WWOX: variants seen among roughly 807,000 people sequenced by gnomAD.
WWOX encodes the protein WW domain containing oxidoreductase, also known as WW domain-containing oxidoreductase.
WWOX carries 69 observed loss-of-function variants against 46.2 expected under a neutral mutation model. That is an observed-to-expected ratio of 1.49 (90% confidence interval 1.23 to 1.82). The LOEUF (loss-of-function observed/expected upper bound fraction) is 1.82, where lower values mean the gene tolerates loss of function less well. WWOX is among the 40% of genes most tolerant of loss of function. The pLI is 0.00. For missense variants in WWOX, 919 were observed against 542.6 expected, an observed-to-expected ratio of 1.69 and a Z score of -6.89; for synonymous variants, 359 against 202.6, an observed-to-expected ratio of 1.77 and a Z score of -6.56.
intron 8 of WWOX, among the ~76,000 whole-genome samples, chr16:78,828,661 C>G (rs548761679): frequency 1.1e-4 from 16 of 152,342 alleles, no homozygotes; most frequent in Non-Finnish European, 2.2e-4. Context: ...ACTTCACACT[C>G]TGACCTTTAT....
Position 78,753,294 on chromosome 16 carries a change from G to A in WWOX, c.1056+320542G>A, listed in dbSNP as rs2049533632. Among the ~76,000 whole-genome samples the A allele has an allele frequency of 1.3e-5, 2 of 151,762 alleles. 1 individual carries two copies. The highest frequency in any genetic ancestry group is 1.3e-4 in the Admixed American group (2 of 15,246). The stretch of plus-strand genomic sequence containing the variant: ...CAGCCTGGGCGACAGACTCCAGCCT[G>A]AGCGACAGAGTGAGACTCCGTCTCA... On this transcript the variant is annotated intron_variant, in intron 8 of 8. Transcript: ENST00000566780.
chr16:78,660,536 C>A (rs1305599162), intron 8 of WWOX, among the ~76,000 whole-genome samples: 1 of 152,224 alleles, frequency 6.6e-6, no homozygotes, highest in East Asian at 1.9e-4. Context: ...CAAAACAACT[C>A]AGGGCCTCCT....
intron 8 of WWOX, among the ~76,000 whole-genome samples, chr16:78,617,281 G>C (rs2046049150): frequency 1.3e-5 from 2 of 151,864 alleles, no homozygotes; most frequent in South Asian, 4.2e-4. Context: ...GTGCACCTGT[G>C]GCCTCAGCTA....
chr16:79,203,105 C>T (rs1022573712), intron 8 of WWOX: 5 of 152,216 alleles, frequency 3.3e-5, no homozygotes, highest in African/African-American at 1.2e-4. Context: ...TTCCTACTAA[C>T]TAGCAACACG....
intron 8 of WWOX, among the ~76,000 whole-genome samples, chr16:78,631,444 A>G (rs759788976): frequency 2.0e-5 from 3 of 152,156 alleles, no homozygotes; most frequent in Admixed American, 1.3e-4. Context: ...GGACAGATGT[A>G]TGACTTATTT....
intron 8 of WWOX, among the ~76,000 whole-genome samples, chr16:78,884,154 C>T (rs1483483972): frequency 2.6e-5 from 4 of 151,530 alleles, no homozygotes; most frequent in Admixed American, 2.6e-4. Flanking sequence ...TGCCTGTAGT[C>T]CTAGTTACTC....
intron 8 of WWOX, among the ~76,000 whole-genome samples, chr16:78,761,036 C>G (rs1424324380): frequency 2.6e-5 from 4 of 152,158 alleles, no homozygotes; most frequent in African/African-American, 9.7e-5. Context: ...ATTCAGTTAT[C>G]TCCTACCAGG....
At chr16:78,497,163 G>A (rs1339543123) in intron 8 of WWOX, among the ~76,000 whole-genome samples, 6 of 152,182 alleles carry the variant, frequency 3.9e-5, no homozygotes, top group African/African-American at 1.4e-4. Flanking sequence ...TGAGAGTGGT[G>A]GTGTTTGGAA....
chr16:78,575,449 G>C (rs2044854013), intron 8 of WWOX, among the ~76,000 whole-genome samples: 1 of 151,876 alleles, frequency 6.6e-6, no homozygotes, highest in South Asian at 2.1e-4. Flanking sequence ...TAAAACTCCT[G>C]AGGGATGCTC....
chr16:78,390,930 T>C (rs1195193726), intron 6 of WWOX, among the ~76,000 whole-genome samples: 1 of 152,210 alleles, frequency 6.6e-6, no homozygotes, highest in African/African-American at 2.4e-5. Flanking sequence ...TCAAAGCCTG[T>C]ATGTGATCAA....
rs549068877 is a variant in WWOX, at chr16:78,914,222, G to C, written c.1057-297386G>C. ...CACTTATCACTATCTGATATTTTCT[G>C]TCTATCCATCCGTCTATTCATTCAT... is the stretch of plus-strand genomic sequence containing the variant. On this transcript the variant is annotated intron_variant, in intron 8 of 8. Transcript: ENST00000566780. 9.2e-5 allele frequency among the ~76,000 whole-genome samples: 14 copies of C among 152,034 alleles called. 2 individuals are homozygous for C. Among genetic ancestry groups the C allele is most frequent in the South Asian group, 2.1e-4 (1 of 4,818 alleles).
intron 5 of WWOX, among the ~76,000 whole-genome samples, chr16:78,363,554 C>T (rs2081461181): frequency 6.6e-6 from 1 of 152,124 alleles, no homozygotes; most frequent in Admixed American, 6.6e-5. Context: ...GCTGGGAATA[C>T]AGGTGTGAGC....
intron 8 of WWOX, among the ~76,000 whole-genome samples, chr16:78,444,653 C>G (rs1219848217): frequency 1.3e-5 from 2 of 151,688 alleles, no homozygotes; most frequent in Non-Finnish European, 2.9e-5. Context: ...GCCTCAGACT[C>G]CCGAGTAGCT....
chr16:78,845,349 A>T (rs1229262183), intron 8 of WWOX, among the ~76,000 whole-genome samples: 2 of 152,164 alleles, frequency 1.3e-5, no homozygotes, highest in African/African-American at 4.8e-5. Flanking sequence ...GCATGTAGAA[A>T]TTCACAGACC....
At chr16:78,765,426 C>T (rs866293242) in intron 8 of WWOX, among the ~76,000 whole-genome samples, 1 of 152,142 alleles carries the variant, frequency 6.6e-6, no homozygotes, top group Admixed American at 6.5e-5. Flanking sequence ...TACTTATAAT[C>T]CCAGCACTTT....
In WWOX at chr16:79,099,573, C is replaced by CGT. The variant is rs765766255; in HGVS notation, c.1057-112020_1057-112019dup. ...AATCTAGAAATGTAGATTGTGTGTG[C>CGT]GTGTGTGTGTGTGTGTTTGTGAGAG... On this transcript the variant is annotated intron_variant, in intron 8 of 8. Transcript: ENST00000566780. 1.0e-4 allele frequency among the ~76,000 whole-genome samples: 14 copies of CGT among 139,990 alleles called. No individual in the cohort carries two copies. The East Asian group carries it at 1.5e-3, about 15-fold the overall frequency. 91.8% of individuals were successfully genotyped at this position (139,990 alleles called of 152,430 possible).
chr16:78,671,791 A>T (rs773662338), intron 8 of WWOX, among the ~76,000 whole-genome samples: 1 of 152,218 alleles, frequency 6.6e-6, no homozygotes, highest in Non-Finnish European at 1.5e-5. Flanking sequence ...TCAGTATTCA[A>T]TTTGCCTTGC....
chr16:78,982,264 A>G (rs1412509423), intron 8 of WWOX, among the ~76,000 whole-genome samples: 1 of 152,234 alleles, frequency 6.6e-6, no homozygotes, highest in Non-Finnish European at 1.5e-5. Flanking sequence ...AAATACAGAC[A>G]GGCAAGTTTG....
chr16:78,278,302 G>C (rs900657643), intron 5 of WWOX, among the ~76,000 whole-genome samples: 1 of 152,146 alleles, frequency 6.6e-6, no homozygotes, highest in African/African-American at 2.4e-5. Context: ...TCTCTGCCAA[G>C]TATAGTAATA....
Sources: allele counts gnomAD v4.1 joint callset (sites outside exome capture counted in the v4.1 genomes callset), GRCh38; gene constraint gnomAD v4.1.1; transcripts MANE v1.5; gene names NCBI Gene and HGNC (gene_info 2026-07-23, HGNC 2026-07-21).